The following ASCC3 variants were observed in gnomAD, a reference collection of about 807,000 sequenced individuals.
ASCC3 encodes the protein ASC-1 complex subunit P200.
A neutral mutation model predicts 256.3 loss-of-function variants in ASCC3; 158 were observed. The ratio of observed to expected loss-of-function variants is 0.62; its 90% CI spans 0.54 to 0.70. The LOEUF is 0.70. Among genes scored for constraint, ASCC3 ranks in the 30% least tolerant of loss-of-function variants. The probability of loss-of-function intolerance (pLI) is 0.00; values close to 1 mark genes in which losing one functional copy is unlikely to be tolerated. For synonymous variants in ASCC3, 948 were observed against 883.4 expected (o/e 1.07, Z -1.30); for missense variants, 2,259 against 2,626.0 (o/e 0.86, Z 3.05).
intron 15 of ASCC3, among the ~76,000 whole-genome samples, 153 bp from the exon 16 acceptor site, chr6:100,662,183 T>A (rs572346258): frequency 1.3e-5 from 2 of 152,042 alleles, no homozygotes; most frequent in East Asian, 1.9e-4. Flanking sequence ...ATTTTCACAA[T>A]ATAAACTAGA....
At chr6:100,607,211 C>T (rs1327436845) in intron 30 of ASCC3, 123 bp from the exon 31 acceptor site, 1 of 1,000,566 alleles carries the variant, frequency 1.0e-6, no homozygotes, top group Non-Finnish European at 1.5e-6. Flanking sequence ...AATATAAGTC[C>T]TATATACAGT....
At chr6:100,679,953 T>A (rs1777218052) in intron 13 of ASCC3, among the ~76,000 whole-genome samples, 1 of 152,170 alleles carries the variant, frequency 6.6e-6, no homozygotes, top group South Asian at 2.1e-4. Context: ...GCTTACAAGT[T>A]GATAGAAGTT....
At chr6:100,687,032 T>TCACACACACACACACA (rs1305315395) in intron 13 of ASCC3, among the ~76,000 whole-genome samples, 62 of 132,178 alleles carry the variant, frequency 4.7e-4, no homozygotes, top group Admixed American at 1.3e-3. Context: ...TCTCTCTCTC[T>TCACACACACACACACA]CTCACACACA....
At chr6:100,617,012 T>C (rs1773697387) in intron 30 of ASCC3, among the ~76,000 whole-genome samples, 1 of 152,120 alleles carries the variant, frequency 6.6e-6, no homozygotes, top group Non-Finnish European at 1.5e-5. Context: ...GTTGTTGTTG[T>C]TGTTGTTGTT....
At chr6:100,628,199 C>T (rs193144402) in intron 27 of ASCC3, among the ~76,000 whole-genome samples, 25 of 151,990 alleles carry the variant, frequency 1.6e-4, no homozygotes, top group Non-Finnish European at 2.5e-4. Flanking sequence ...AAACTGACCT[C>T]ATGGAAGTAG....
intron 5 of ASCC3, among the ~76,000 whole-genome samples, chr6:100,800,842 T>A (rs1432098033): frequency 6.6e-6 from 1 of 151,580 alleles, no homozygotes; most frequent in African/African-American, 2.4e-5. Flanking sequence ...TTAATAAATA[T>A]AATAATTATC....
At chr6:100,667,632 T>C (rs1776548432) in intron 14 of ASCC3, among the ~76,000 whole-genome samples, 1 of 151,966 alleles carries the variant, frequency 6.6e-6, no homozygotes, top group Admixed American at 6.6e-5. Context: ...TGGATGACTG[T>C]CTAGAAAGGG....
intron 8 of ASCC3, among the ~76,000 whole-genome samples, chr6:100,768,678 G>A (rs1487662199): frequency 1.3e-5 from 2 of 152,090 alleles, no homozygotes; most frequent in Non-Finnish European, 2.9e-5. Context: ...AAGGAGGCAT[G>A]AAAATCAGCA....
intron 37 of ASCC3, chr6:100,530,309 G>A: frequency 7.0e-7 from 1 of 1,433,848 alleles, no homozygotes; most frequent in Non-Finnish European, 9.8e-7. Context: ...GAAGGATAAA[G>A]TTTGTCAGTT....
chr6:100,728,272 TAGAC>T (rs902460675), intron 10 of ASCC3, among the ~76,000 whole-genome samples: 29 of 151,854 alleles, frequency 1.9e-4, no homozygotes, highest in African/African-American at 5.8e-4. Context: ...GAGAGACAGA[TAGAC>T]AGAGAGAAGT....
intron 13 of ASCC3, among the ~76,000 whole-genome samples, chr6:100,681,502 G>A (rs902810541): frequency 2.6e-5 from 4 of 152,010 alleles, no homozygotes; most frequent in African/African-American, 4.8e-5. Flanking sequence ...GTCAAGGTGG[G>A]TGGATCACAA....
chr6:100,607,115 T>C (rs1340102605), intron 30 of ASCC3, 27 bp from the exon 31 acceptor site: 2 of 1,609,754 alleles, frequency 1.2e-6, no homozygotes, highest in East Asian at 2.2e-5. Context: ...AATTACAAGA[T>C]GTAGATGCAT....
intron 2 of ASCC3, among the ~76,000 whole-genome samples, chr6:100,864,454 C>T (rs1193296732): frequency 6.6e-6 from 1 of 152,184 alleles, no homozygotes; most frequent in East Asian, 1.9e-4. Context: ...GTTTTAATTA[C>T]ACTGCATACT....
chr6:100,597,698 C>T (rs1772369435), intron 34 of ASCC3, among the ~76,000 whole-genome samples: 2 of 151,402 alleles, frequency 1.3e-5, no homozygotes, highest in Middle Eastern at 3.5e-3. Flanking sequence ...CTGGGCCAGG[C>T]GTGGTGGCTT....
intron 37 of ASCC3, among the ~76,000 whole-genome samples, chr6:100,519,625 C>T (rs1268026366): frequency 6.6e-6 from 1 of 152,054 alleles, no homozygotes; most frequent in African/African-American, 2.4e-5. Flanking sequence ...ATACCTAATG[C>T]AGTATTATGA....
At chr6:100,650,763 A>AT (rs1775627729) in intron 19 of ASCC3, 49 bp from the exon 20 acceptor site, 3 of 1,418,970 alleles carry the variant, frequency 2.1e-6, no homozygotes, top group Non-Finnish European at 3.0e-6. Flanking sequence ...ATTTATTTAA[A>AT]TTTTTCACAT....
In ASCC3 at chr6:100,661,770, T is replaced by C. The variant is rs767662561; in HGVS notation, c.2703+36A>G. On this transcript the variant is annotated intron_variant, in intron 16 of 41. Transcript: ENST00000369162. Reference sequence around the variant, plus strand: ...CTTTCTTGGTCATTCTTAAGGCTGATGATTCTATTCCAAACTTTTACTCAT... The same window carrying C: ...CTTTCTTGGTCATTCTTAAGGCTGACGATTCTATTCCAAACTTTTACTCAT... The C allele has an allele frequency of 5.7e-6, 9 of 1,590,844 alleles. No individual in the cohort carries two copies. The African/African-American group carries it at 1.2e-4, about 21-fold the overall frequency.
At chr6:100,747,966 A>G (rs751175418) in intron 10 of ASCC3, among the ~76,000 whole-genome samples, 1 of 152,056 alleles carries the variant, frequency 6.6e-6, no homozygotes. Context: ...TCTAATAAGA[A>G]AAGTCTGAAA....
intron 7 of ASCC3, 72 bp downstream of exon 7, chr6:100,799,359 C>T (rs1769795791): frequency 6.5e-7 from 1 of 1,548,236 alleles, no homozygotes; most frequent in Admixed American, 1.7e-5. Flanking sequence ...CACGAAGGAA[C>T]AGGGAAAATC....
Sources: allele counts gnomAD v4.1 joint callset (sites outside exome capture counted in the v4.1 genomes callset), GRCh38; gene constraint gnomAD v4.1.1; transcripts MANE v1.5; gene names NCBI Gene and HGNC (gene_info 2026-07-23, HGNC 2026-07-21).